The following WDFY4 variants were observed in gnomAD, a reference collection of about 807,000 sequenced individuals.
WDFY4 encodes WDFY family member 4.
A neutral mutation model predicts 351.9 loss-of-function variants in WDFY4; 169 were observed. That is an observed-to-expected ratio of 0.48 (90% confidence interval 0.42 to 0.55). The LOEUF (loss-of-function observed/expected upper bound fraction) is 0.55. Ranked by LOEUF, WDFY4 falls within the 20% of genes least tolerant of loss-of-function variation. The pLI, the probability that WDFY4 is intolerant of heterozygous loss-of-function variation, is 0.00. For missense variants in WDFY4, 3,803 were observed against 3,935.6 expected, an observed-to-expected ratio of 0.97 and a Z score of 0.90; for synonymous variants, 1,622 against 1,574.6, an observed-to-expected ratio of 1.03 and a Z score of -0.71.
At chr10:48,703,775 T>C (rs1199014062) in intron 1 of WDFY4, among the ~76,000 whole-genome samples, 2 of 152,242 alleles carry the variant, frequency 1.3e-5, no homozygotes, top group Admixed American at 1.3e-4. Context: ...AACCCAGCAG[T>C]TGCTTCATGC....
chr10:48,774,355 C>A, intron 13 of WDFY4, 103 bp from the exon 14 acceptor site: 1 of 1,219,946 alleles, frequency 8.2e-7, no homozygotes, highest in Non-Finnish European at 1.2e-6. Context: ...TGGGCGCAGT[C>A]TCCTTGTTCC....
chr10:48,936,384 G>A (rs1440818131), intron 47 of WDFY4, among the ~76,000 whole-genome samples: 1 of 151,738 alleles, frequency 6.6e-6, no homozygotes. Flanking sequence ...CTACTACCCA[G>A]TATACTTCTA....
chr10:48,913,806 A>G, intron 47 of WDFY4: 1 of 1,614,012 alleles, frequency 6.2e-7, no homozygotes, highest in Non-Finnish European at 8.5e-7. Flanking sequence ...GAGTTGCTTC[A>G]GCTCCACGGG....
Position 48,822,402 on chromosome 10 carries a change from T to G in WDFY4, c.5847T>G (p.Ser1949Arg). ...CAGACGGCAAAGAGCCTCAGCCAAG[T>G]GCAGAAGCTGCTGCTGCCCCTTCTC... ...MFRDGKEPQP[S>R]AEAAAAPSLA... The change falls in exon 35 of 62, where the codon AGT becomes AGG. Residue 1949 changes from serine to arginine, a missense_variant. By Grantham distance (110) the Ser-to-Arg change is moderately radical (BLOSUM62 -1). Coordinates refer to ENST00000325239, the MANE Select transcript of WDFY4 (RefSeq NM_001394531.1). 1 of 1,549,548 alleles carries G rather than the reference T, an allele frequency of 6.5e-7. No homozygotes were observed. The highest frequency in any genetic ancestry group is 8.7e-7 in the Non-Finnish European group (1 of 1,145,786).
At chr10:48,773,659 T>C (rs760587261) in intron 13 of WDFY4, among the ~76,000 whole-genome samples, 3 of 152,160 alleles carry the variant, frequency 2.0e-5, no homozygotes, top group Non-Finnish European at 4.4e-5. Flanking sequence ...CAGCATGTGC[T>C]TAGGACTGAG....
chr10:48,695,001 C>T (rs1216610675), intron 1 of WDFY4, among the ~76,000 whole-genome samples: 1 of 152,184 alleles, frequency 6.6e-6, no homozygotes, highest in East Asian at 1.9e-4. Context: ...AGGGTGTGGA[C>T]AGAGGGTGAT....
chr10:48,802,014 T>TA (rs58857748), intron 24 of WDFY4, among the ~76,000 whole-genome samples: 1 of 150,802 alleles, frequency 6.6e-6, no homozygotes, highest in Non-Finnish European at 1.5e-5. Context: ...CTCTGCCAAT[T>TA]AAAAAAAAAG....
intron 39 of WDFY4, among the ~76,000 whole-genome samples, chr10:48,841,717 A>G (rs1261975095): frequency 6.6e-6 from 1 of 152,228 alleles, no homozygotes; most frequent in Non-Finnish European, 1.5e-5. Context: ...ATCTGAGATC[A>G]TGATGGCTTC....
At chr10:48,836,353 G>A (rs1287036231) in intron 39 of WDFY4, among the ~76,000 whole-genome samples, 2 of 152,092 alleles carry the variant, frequency 1.3e-5, no homozygotes, top group South Asian at 2.1e-4. Flanking sequence ...TGAGAAGGTC[G>A]CCATCTGGAA....
At chr10:48,908,477 G>A (rs1044212695) in intron 47 of WDFY4, among the ~76,000 whole-genome samples, 1 of 152,186 alleles carries the variant, frequency 6.6e-6, no homozygotes, top group African/African-American at 2.4e-5. Flanking sequence ...CCGAGGTTAA[G>A]GTGCCTGAAT....
chr10:48,766,562 C>G (rs1488938734), intron 13 of WDFY4, among the ~76,000 whole-genome samples: 1 of 152,122 alleles, frequency 6.6e-6, no homozygotes. Context: ...CCATTGAACT[C>G]CAGCCTGGGT....
At chr10:48,965,734 G>A (rs942986930) in intron 54 of WDFY4, among the ~76,000 whole-genome samples, 5 of 138,526 alleles carry the variant, frequency 3.6e-5, no homozygotes, top group African/African-American at 1.3e-4. Context: ...GGGAGAGACT[G>A]CAAGGTAGAG....
intron 39 of WDFY4, among the ~76,000 whole-genome samples, chr10:48,843,112 C>T (rs1042062809): frequency 6.6e-5 from 10 of 152,270 alleles, no homozygotes; most frequent in East Asian, 3.9e-4. Context: ...TAAATGATAC[C>T]GAAAAGTCCT....
intron 2 of WDFY4, among the ~76,000 whole-genome samples, chr10:48,711,455 C>A (rs118148083): frequency 0.012 from 1,859 of 152,170 alleles, 19 homozygotes; most frequent in Middle Eastern, 0.02. Context: ...TGTGAGCAGT[C>A]CCCAGCCCCC....
Position 48,846,894 on chromosome 10 carries a change from T to C in WDFY4, c.6663+14185T>C, listed in dbSNP as rs368945287. On this transcript the variant is annotated intron_variant, in intron 39 of 61. Transcript: ENST00000325239. ...GCAGTCCTGACCAGGGTGACCTTTT[T>C]GCTCTTCATAAAGCCCGAAGAAGAG... Among the ~76,000 whole-genome samples, 6 of 152,208 alleles carry C rather than the reference T, an allele frequency of 3.9e-5. No individual in the cohort carries two copies. The South Asian group carries it at 1.2e-3, about 31-fold the overall frequency.
chr10:48,806,132 G>A (rs957954821), intron 27 of WDFY4, 37 bp downstream of exon 27: 11 of 1,543,774 alleles, frequency 7.1e-6, no homozygotes, highest in Middle Eastern at 1.7e-4. Context: ...GCAGTAGGAC[G>A]GCCCTCACGG....
rs150597403 is a variant in WDFY4 at position 48,790,988 on chromosome 10, G to A, written c.4257+71G>A. The A allele has an allele frequency of 8.1e-5, 123 of 1,513,500 alleles. No individual in the cohort carries two copies. The African/African-American group carries it at 1.1e-3, about 14-fold the overall frequency. 93.8% of individuals were successfully genotyped at this position (1,513,500 alleles called of 1,614,324 possible). On this transcript the variant is annotated intron_variant, in intron 23 of 61. Coordinates refer to ENST00000325239, the MANE Select transcript of WDFY4 (RefSeq NM_001394531.1). ...TCATCCCTGGGAAACAGGGACAAGCGTTGCTTGCCTCAGTTGCATTCCCTC... is the reference window on the plus strand; with the variant it reads ...TCATCCCTGGGAAACAGGGACAAGCATTGCTTGCCTCAGTTGCATTCCCTC...
intron 1 of WDFY4, among the ~76,000 whole-genome samples, chr10:48,701,494 C>T (rs530367258): frequency 1.3e-5 from 2 of 152,288 alleles, no homozygotes; most frequent in East Asian, 3.9e-4. Context: ...CAATAATAAA[C>T]ATAGTATTTT....
chr10:48,966,264 A>G (rs745522098), intron 54 of WDFY4, among the ~76,000 whole-genome samples: 1 of 152,122 alleles, frequency 6.6e-6, no homozygotes, highest in African/African-American at 2.4e-5. Flanking sequence ...TCTTCTCCCA[A>G]GCAGCTTGGG....
Sources: gnomAD v4.1 joint callset for allele counts (sites outside exome capture counted in the v4.1 genomes callset) on GRCh38, gnomAD v4.1.1 for gene constraint, MANE v1.5 for transcripts, NCBI Gene and HGNC (gene_info 2026-07-23, HGNC 2026-07-21) for gene names.